Variants in MPPED2 observed in about 807,000 individuals in gnomAD.
MPPED2 encodes the protein metallophosphoesterase domain containing 2.
A neutral mutation model predicts 33.0 loss-of-function variants in MPPED2; 5 were observed. The ratio of observed to expected loss-of-function variants is 0.15; its 90% CI spans 0.08 to 0.32. The LOEUF is 0.32. Among genes scored for constraint, MPPED2 ranks in the 10% least tolerant of loss-of-function variants. MPPED2 has a pLI of 1.00. For synonymous variants in MPPED2, 136 were observed against 141.9 expected (o/e 0.96, Z 0.29); for missense variants, 275 against 372.1 (o/e 0.74, Z 2.15).
intron 3 of MPPED2, among the ~76,000 whole-genome samples, chr11:30,506,544 T>A (rs1952838152): frequency 6.6e-6 from 1 of 152,154 alleles, no homozygotes; most frequent in Non-Finnish European, 1.5e-5. Flanking sequence ...AAAAAGCAAC[T>A]GAGAAAAAGG....
chr11:30,458,781 A>G (rs1950388075), intron 4 of MPPED2, among the ~76,000 whole-genome samples: 1 of 152,190 alleles, frequency 6.6e-6, no homozygotes, highest in Non-Finnish European at 1.5e-5. Flanking sequence ...ACAAGCACTG[A>G]GGTCAAAGCT....
chr11:30,567,777 A>G (rs1956509920), intron 2 of MPPED2, among the ~76,000 whole-genome samples: 1 of 152,170 alleles, frequency 6.6e-6, no homozygotes, highest in East Asian at 1.9e-4. Context: ...TTTTCACCCA[A>G]GCAAATTCCA....
At chr11:30,501,686 T>C (rs1952569769) in intron 3 of MPPED2, 2 of 847,054 alleles carry the variant, frequency 2.4e-6, no homozygotes, top group South Asian at 1.1e-4. Context: ...CTTCTTAGAA[T>C]CAGGTGGGGT....
chr11:30,544,151 T>C (rs1955283698), intron 2 of MPPED2, among the ~76,000 whole-genome samples: 1 of 152,194 alleles, frequency 6.6e-6, no homozygotes, highest in Non-Finnish European at 1.5e-5. Flanking sequence ...TAGTGCCATC[T>C]GAGGTGTTTT....
chr11:30,488,966 G>A (rs1951854466), intron 4 of MPPED2, among the ~76,000 whole-genome samples: 1 of 151,952 alleles, frequency 6.6e-6, no homozygotes, highest in South Asian at 2.1e-4. Flanking sequence ...AATATTGTTT[G>A]CATAGTCTCA....
At chr11:30,556,774 G>C (rs1372402502) in intron 2 of MPPED2, among the ~76,000 whole-genome samples, 2 of 152,154 alleles carry the variant, frequency 1.3e-5, no homozygotes, top group Non-Finnish European at 2.9e-5. Context: ...ATAAATGGTA[G>C]CCATATTATT....
downstream of MPPED2, among the ~76,000 whole-genome samples, chr11:30,407,668 T>C (rs1948010941): frequency 6.6e-6 from 1 of 152,140 alleles, no homozygotes; most frequent in Admixed American, 6.5e-5. Flanking sequence ...GCTCAGGAGC[T>C]GGAGACTGTC....
chr11:30,417,459 T>G, intron 5 of MPPED2, 59 bp downstream of exon 5: 3 of 903,876 alleles, frequency 3.3e-6, no homozygotes, highest in Non-Finnish European at 5.4e-6. Context: ...GAAGCATTAT[T>G]CATTATGCCT....
intron 3 of MPPED2, among the ~76,000 whole-genome samples, chr11:30,525,059 C>T (rs537900959): frequency 3.1e-4 from 47 of 152,280 alleles, no homozygotes; most frequent in African/African-American, 1.1e-3. Context: ...AAAGACAAAG[C>T]CCCCAGTCCT....
At chr11:30,560,845 AC>A (rs144327367) in intron 2 of MPPED2, among the ~76,000 whole-genome samples, 3,825 of 152,188 alleles carry the variant, frequency 0.025, 151 homozygotes, top group African/African-American at 0.086. Flanking sequence ...AAATCATGCT[AC>A]CCCCCACCTG....
At chr11:30,442,492 G>C (rs1161446008) in intron 4 of MPPED2, among the ~76,000 whole-genome samples, 1 of 152,152 alleles carries the variant, frequency 6.6e-6, no homozygotes, top group Non-Finnish European at 1.5e-5. Context: ...AACCAAATGT[G>C]AAAATATTTT....
chr11:30,439,744 T>C (rs1949482607), intron 4 of MPPED2, among the ~76,000 whole-genome samples: 1 of 152,234 alleles, frequency 6.6e-6, no homozygotes, highest in South Asian at 2.1e-4. Context: ...CTACATCCTA[T>C]CTACATTTAT....
intron 2 of MPPED2, among the ~76,000 whole-genome samples, chr11:30,570,245 A>T (rs1956632601): frequency 6.6e-6 from 1 of 151,950 alleles, no homozygotes; most frequent in South Asian, 2.1e-4. Context: ...GCATCTTTTC[A>T]CCGTAACCTC....
chr11:30,458,642 C>A (rs1219191162), intron 4 of MPPED2, among the ~76,000 whole-genome samples: 1 of 152,320 alleles, frequency 6.6e-6, no homozygotes, highest in Non-Finnish European at 1.5e-5. Context: ...CAAACACCTA[C>A]AGCTTCAAAG....
chr11:30,478,645 T>A (rs548641912), intron 4 of MPPED2, among the ~76,000 whole-genome samples: 6 of 152,274 alleles, frequency 3.9e-5, no homozygotes, highest in Non-Finnish European at 7.4e-5. Context: ...TATCCCCATC[T>A]TGTTCCTGGA....
chr11:30,481,468 A>G (rs1951483376), intron 4 of MPPED2, among the ~76,000 whole-genome samples: 1 of 152,192 alleles, frequency 6.6e-6, no homozygotes, highest in Non-Finnish European at 1.5e-5. Context: ...CAAGGAGAAC[A>G]CATTAAGCTC....
At chr11:30,580,195 CTTT>C (rs1401966429) in intron 2 of MPPED2, 48 bp downstream of exon 2, 1 of 1,547,440 alleles carries the variant, frequency 6.5e-7, no homozygotes, top group Non-Finnish European at 8.8e-7. Flanking sequence ...TCTTTTTTTT[CTTT>C]TTATTTTCTT....
At chr11:30,429,501 G>C (rs1389808659) in intron 4 of MPPED2, among the ~76,000 whole-genome samples, 1 of 152,172 alleles carries the variant, frequency 6.6e-6, no homozygotes, top group Admixed American at 6.5e-5. Flanking sequence ...TGAGTAAAAA[G>C]CTTAGACTGC....
intron 6 of MPPED2, among the ~76,000 whole-genome samples, chr11:30,392,887 G>T (rs756706396): frequency 6.6e-6 from 1 of 152,182 alleles, no homozygotes; most frequent in Non-Finnish European, 1.5e-5. Context: ...TTAAGGCAAA[G>T]TGTGTCCACT....
Sources: gnomAD v4.1 joint callset for allele counts (sites outside exome capture counted in the v4.1 genomes callset) on GRCh38, gnomAD v4.1.1 for gene constraint, MANE v1.5 for transcripts, NCBI Gene and HGNC (gene_info 2026-07-23, HGNC 2026-07-21) for gene names.